The following RANBP10 variants were observed in gnomAD, a reference collection of about 807,000 sequenced individuals.
RANBP10 encodes the protein RAN binding protein 10.
Under a neutral mutation model 72.8 loss-of-function variants are expected in RANBP10, and 24 were observed. The observed-to-expected ratio is 0.33, with a 90% CI of 0.24 to 0.46. The LOEUF is 0.46. RANBP10 is among the 20% of genes least tolerant of loss of function. RANBP10 has a pLI of 1.00. For synonymous variants in RANBP10, 310 were observed against 322.3 expected (o/e 0.96, Z 0.41); for missense variants, 679 against 817.5 (o/e 0.83, Z 2.07).
At chr16:67,769,783 T>G (rs2054576836) in intron 3 of RANBP10, among the ~76,000 whole-genome samples, 1 of 127,986 alleles carries the variant, frequency 7.8e-6, no homozygotes, top group African/African-American at 2.8e-5. Flanking sequence ...AAAAGAGTCC[T>G]TACCAGGCAG....
chr16:67,781,287 G>C (rs1597900692), intron 2 of RANBP10, among the ~76,000 whole-genome samples: 1 of 152,214 alleles, frequency 6.6e-6, no homozygotes, highest in Admixed American at 6.5e-5. Context: ...GTTTACTTGA[G>C]ATTACCAAGG....
intron 2 of RANBP10, among the ~76,000 whole-genome samples, chr16:67,777,548 A>T (rs1454264472): frequency 6.6e-6 from 1 of 152,010 alleles, no homozygotes; most frequent in East Asian, 1.9e-4. Flanking sequence ...AACAAAACGA[A>T]AAAAAAAGTA....
chr16:67,755,220 C>A (rs2143008645), intron 3 of RANBP10, among the ~76,000 whole-genome samples: 1 of 152,318 alleles, frequency 6.6e-6, no homozygotes, highest in African/African-American at 2.4e-5. Flanking sequence ...AACTGGACAA[C>A]CCTTTTCCCA....
intron 2 of RANBP10, among the ~76,000 whole-genome samples, chr16:67,786,770 T>C (rs1005249363): frequency 5.3e-5 from 8 of 149,832 alleles, no homozygotes; most frequent in African/African-American, 7.4e-5. Context: ...CTACTAAAAA[T>C]ACAAAAATCA....
In RANBP10 at chr16:67,744,461, G is replaced by A. The variant is rs1370846958; in HGVS notation, c.401-6C>T. ...ATAGGAATGTTTGTCCCAACCTGTGGGGGAAGAGAGCAGCAATAACTGAGT... is the reference window on the plus strand; with the variant it reads ...ATAGGAATGTTTGTCCCAACCTGTGAGGGAAGAGAGCAGCAATAACTGAGT... On this transcript the variant is annotated splice_polypyrimidine_tract_variant and splice_region_variant and intron_variant, in intron 3 of 13. Transcript: ENST00000317506. 5.0e-6 allele frequency: 8 copies of A among 1,610,316 alleles called. No homozygotes were observed. Among genetic ancestry groups the A allele is most frequent in the Non-Finnish European group, 6.8e-6 (8 of 1,177,686 alleles).
intron 3 of RANBP10, among the ~76,000 whole-genome samples, chr16:67,753,223 A>AG (rs2143008247): frequency 6.7e-6 from 1 of 150,062 alleles, no homozygotes; most frequent in South Asian, 2.1e-4. Context: ...AAAAAAAAAA[A>AG]GGCTGTGTGC....
intron 11 of RANBP10, 81 bp from the exon 12 acceptor site, chr16:67,727,977 C>T (rs1567670389): frequency 5.3e-6 from 8 of 1,502,480 alleles, no homozygotes; most frequent in South Asian, 3.5e-5. Flanking sequence ...GGAAGGACCC[C>T]GGGTGGGCTG....
At chr16:67,774,670 G>A (rs2054666578) in intron 2 of RANBP10, among the ~76,000 whole-genome samples, 1 of 152,146 alleles carries the variant, frequency 6.6e-6, no homozygotes, top group Admixed American at 6.6e-5. Context: ...ACAGGGAGCA[G>A]CCCCACAGGA....
At chr16:67,794,255 T>C (rs1048579744) in intron 2 of RANBP10, among the ~76,000 whole-genome samples, 21 of 152,018 alleles carry the variant, frequency 1.4e-4, no homozygotes, top group Non-Finnish European at 2.5e-4. Flanking sequence ...CTGGCCAACA[T>C]GGCGAAACCC....
chr16:67,763,839 C>G (rs558123774), intron 3 of RANBP10, among the ~76,000 whole-genome samples: 1 of 152,166 alleles, frequency 6.6e-6, no homozygotes, highest in Non-Finnish European at 1.5e-5. Flanking sequence ...GGACTGTAGG[C>G]GCACGCCACC....
chr16:67,770,182 GAC>G (rs1171291438), intron 3 of RANBP10, among the ~76,000 whole-genome samples: 2 of 152,092 alleles, frequency 1.3e-5, no homozygotes, highest in Admixed American at 6.6e-5. Flanking sequence ...GTTTGCACTT[GAC>G]AGGAAATTAT....
chr16:67,730,547 G>T lies in RANBP10; in HGVS notation c.890-501C>A, dbSNP rs2053707573. 1.3e-5 allele frequency among the ~76,000 whole-genome samples: 2 copies of T among 152,198 alleles called. No homozygotes were observed. The highest frequency in any genetic ancestry group is 4.1e-4 in the South Asian group (2 of 4,826). ...CTGCAGCATGCCCCCTGCTGGGAGA[G>T]GAGGCCATCCTCCTCATGCTGGCAC... On this transcript the variant is annotated intron_variant, in intron 7 of 13. Transcript: ENST00000317506. This position sits in a 1 kb window ranked among gnomAD's most constrained non-coding sequence, Gnocchi z 4.3.
intron 6 of RANBP10, among the ~76,000 whole-genome samples, chr16:67,734,524 C>T (rs141421247): frequency 6.6e-6 from 1 of 152,334 alleles, no homozygotes; most frequent in Non-Finnish European, 1.5e-5. Context: ...AAAAAGGGTC[C>T]ACAGAGGAAG....
Position 67,727,456 on chromosome 16 carries a change from C to A in RANBP10, c.1621-18G>T, listed in dbSNP as rs752181994. ...AAGGCATCCTACAGGACAGGGCATTCTTGAGAGGACTGTGGCACACACCAT... is the reference window on the plus strand; with the variant it reads ...AAGGCATCCTACAGGACAGGGCATTATTGAGAGGACTGTGGCACACACCAT... On this transcript the variant is annotated intron_variant, in intron 12 of 13. Transcript: ENST00000317506. 6.2e-7 allele frequency: 1 copy of A among 1,602,728 alleles called. No homozygotes were observed. Among genetic ancestry groups the A allele is most frequent in the East Asian group, 2.2e-5 (1 of 44,580 alleles).
intron 2 of RANBP10, among the ~76,000 whole-genome samples, chr16:67,785,992 C>CCAA (rs903296018): frequency 2.0e-5 from 3 of 150,578 alleles, no homozygotes; most frequent in African/African-American, 7.3e-5. Context: ...GAGCGAGACT[C>CCAA]CATCTCAAAA....
At chr16:67,771,411 T>TCTCAGCTCACTGCAAC (rs2054605439) in intron 3 of RANBP10, among the ~76,000 whole-genome samples, 1 of 151,978 alleles carries the variant, frequency 6.6e-6, no homozygotes, top group Non-Finnish European at 1.5e-5. Flanking sequence ...AGTGGCGCAA[T>TCTCAGCTCACTGCAAC]CTCAGCTCAC....
Position 67,744,409 on chromosome 16 carries a change from C to G in RANBP10, c.447G>C (p.Ser149=), listed in dbSNP as rs369730914. Residue 149 remains serine (S), a synonymous_variant, in exon 4 of 14, where the codon TCG becomes TCC. Coordinates refer to ENST00000317506, the MANE Select transcript of RANBP10 (RefSeq NM_020850.3). ...GCTGGCCAGTCCCCGAGGAGCAGAA[C>G]GAATGCCCATCATCACCATGGTAAC... ...SYGYHGDDGH[S]FCSSGTGQPY... 1.2e-6 allele frequency: 2 copies of G among 1,614,194 alleles called. No homozygotes were observed. The highest frequency in any genetic ancestry group is 1.7e-6 in the Non-Finnish European group (2 of 1,180,024).
intron 3 of RANBP10, among the ~76,000 whole-genome samples, chr16:67,770,744 G>GA (rs964454870): frequency 2.0e-5 from 3 of 152,188 alleles, no homozygotes; most frequent in African/African-American, 7.2e-5. Context: ...CTGCTGGGCA[G>GA]AAAATAGCTG....
chr16:67,729,608 A>T lies in RANBP10; in HGVS notation c.1147+72T>A. On this transcript the variant is annotated intron_variant, in intron 9 of 13. Coordinates refer to ENST00000317506, the MANE Select transcript of RANBP10 (RefSeq NM_020850.3). The surrounding 1 kb of genome is among the most constrained non-coding windows in gnomAD (Gnocchi z 7.1). ...CAGCAGTGAGCCCTGAGCCCAGCCC[A>T]GGAAAGGGTATGTGGAGTGGCCTCT... 1.3e-6 allele frequency: 2 copies of T among 1,560,110 alleles called. No individual in the cohort carries two copies. Among genetic ancestry groups the T allele is most frequent in the Middle Eastern group, 1.7e-4 (1 of 5,764 alleles).
Sources: allele counts gnomAD v4.1 joint callset (sites outside exome capture counted in the v4.1 genomes callset), GRCh38; gene constraint gnomAD v4.1.1; non-coding constraint Gnocchi (gnomAD v3.1); transcripts MANE v1.5; gene names NCBI Gene and HGNC (gene_info 2026-07-23, HGNC 2026-07-21).